ATAD5: variants seen among roughly 807,000 people sequenced by gnomAD.
ATAD5 encodes the protein ATPase family AAA domain containing 5.
ATAD5 carries 58 observed loss-of-function variants against 176.9 expected under a neutral mutation model. The observed-to-expected ratio is 0.33, with a 90% confidence interval of 0.27 to 0.41. The LOEUF (loss-of-function observed/expected upper bound fraction) is 0.41, where lower values mean the gene tolerates loss of function less well. ATAD5 is among the 10% of genes least tolerant of loss of function. ATAD5 has a pLI of 1.00. For missense variants in ATAD5, 1,789 were observed against 2,094.1 expected (o/e 0.85, Z 2.84); for synonymous variants, 640 against 712.6 (o/e 0.90, Z 1.62).
In ATAD5 at chr17:30,834,899, G is replaced by A. The variant is rs1905615569; in HGVS notation, c.818G>A (p.Ser273Asn). The A allele has an allele frequency of 1.9e-5, 31 of 1,613,668 alleles. No individual in the cohort carries two copies. The highest frequency in any genetic ancestry group is 2.6e-5 in the Non-Finnish European group (31 of 1,179,900). Reference protein sequence around the residue: ...ITVSYEEFLKSHKENKVEEIP... With the variant: ...ITVSYEEFLKNHKENKVEEIP... ...GTCTCATATGAGGAATTTTTAAAAA[G>A]TCACAAGGAAAATAAAGTGGAAGAG... Residue 273 changes from serine to asparagine, a missense_variant, in exon 2 of 23, where the codon AGT (serine) becomes AAT (asparagine). Physicochemically the swap from Ser to Asn is conservative, Grantham distance 46. Coordinates refer to ENST00000321990, the MANE Select transcript of ATAD5 (RefSeq NM_024857.5).
intron 10 of ATAD5, chr17:30,863,150 A>G (rs1400775488): frequency 1.3e-5 from 2 of 152,478 alleles, no homozygotes; most frequent in Admixed American, 6.5e-5. Flanking sequence ...TGATTGCACC[A>G]CTACTCCAGG....
rs971659412 is a variant in ATAD5, at chr17:30,831,995, A to C, written c.-353A>C. 2 of 343,910 alleles carry C rather than the reference A, an allele frequency of 5.8e-6. No homozygotes were observed. Among genetic ancestry groups the C allele is most frequent in the Admixed American group, 4.8e-5 (1 of 20,914 alleles). The allele number at this position is 343,910 out of a possible 1,614,324, so 21.3% of individuals were successfully genotyped here. The stretch of plus-strand genomic sequence containing the variant: ...GCAGGACGGCGCGAAAACCCAATTG[A>C]CAAGAATTCCCTCCGAAGCTCTGTG... On this transcript the variant is annotated 5_prime_UTR_variant, in exon 1 of 23. Coordinates refer to ENST00000321990, the MANE Select transcript of ATAD5 (RefSeq NM_024857.5).
In ATAD5 at chr17:30,860,528, A is replaced by G. The variant is rs550030980; in HGVS notation, c.3052A>G (p.Lys1018Glu). The change falls in exon 10 of 23, where the codon AAA becomes GAA. Residue 1018 changes from lysine (K) to glutamate (E), a missense_variant. This residue lies in a region of ATAD5 where 487 missense variants were observed against 573.6 expected (regional missense o/e 0.85). Coordinates refer to ENST00000321990, the MANE Select transcript of ATAD5 (RefSeq NM_024857.5). The part of the protein sequence containing the change: ...SKRKKPNEYS[K>E]NLEKTNRKSE... The stretch of plus-strand genomic sequence containing the variant: ...AAGAAAGAAACCAAATGAGTATTCA[A>G]AAAATCTGGAGAAGACCAATAGGAA... 38 of 1,600,558 alleles carry G rather than the reference A, an allele frequency of 2.4e-5. No individual in the cohort carries two copies. Among genetic ancestry groups the G allele is most frequent in the East Asian group, 4.5e-5 (2 of 44,804 alleles).
chr17:30,870,411 T>A lies in ATAD5; in HGVS notation c.3607+765T>A, dbSNP rs955973475. On this transcript the variant is annotated intron_variant, in intron 14 of 22. Transcript: ENST00000321990. ...GTTAGTATAGTCCTCTTCCCTATATTTCTTGTAAACTGGCAGTTAGATCTA... is the reference window on the plus strand; with the variant it reads ...GTTAGTATAGTCCTCTTCCCTATATATCTTGTAAACTGGCAGTTAGATCTA... Among the ~76,000 whole-genome samples the A allele has an allele frequency of 1.2e-4, 19 of 152,200 alleles. No individual in the cohort carries two copies. In the East Asian group the frequency reaches 3.7e-3, roughly 29 times the overall value.
At chr17:30,850,833 T>TTATATATATA (rs1312470807) in intron 6 of ATAD5, among the ~76,000 whole-genome samples, 521 of 27,590 alleles carry the variant, frequency 0.019, 6 homozygotes, top group Middle Eastern at 0.045. Flanking sequence ...TTATATATTT[T>TTATATATATA]TATATATATA....
Position 30,868,254 on chromosome 17 carries a change from C to T in ATAD5, c.3234-79C>T, listed in dbSNP as rs1179033598. ...GAAACTAACAATATGCCATAACTTC[C>T]CCCGATAATCATTTTAACATAAAGT... On this transcript the variant is annotated intron_variant, in intron 11 of 22. Coordinates refer to ENST00000321990, the MANE Select transcript of ATAD5 (RefSeq NM_024857.5). 8 of 1,198,984 alleles carry T rather than the reference C, an allele frequency of 6.7e-6. No individual in the cohort carries two copies. The East Asian group carries it at 1.7e-4, about 26-fold the overall frequency. The allele number at this position is 1,198,984 out of a possible 1,614,324, so 74.3% of individuals were successfully genotyped here.
rs1172901086 is a variant in ATAD5, at chr17:30,860,447, G to C, written c.2971G>C (p.Val991Leu). Residue 991 changes from valine to leucine, a missense_variant, in exon 10 of 23, where the codon GTC (valine) becomes CTC (leucine). Val to Leu is a conservative substitution (Grantham distance 32, BLOSUM62 1). Coordinates refer to ENST00000321990, the MANE Select transcript of ATAD5 (RefSeq NM_024857.5). ...CHSKQELEADVSHKETKRKLV... is the reference protein window; with the variant it reads ...CHSKQELEADLSHKETKRKLV... ...TCCCAAAGCAGAACTGGAGGCTGAT[G>C]TCAGCCATAAAGAAACCAAAAGGAA... The C allele has an allele frequency of 6.3e-7, 1 of 1,591,052 alleles. No homozygotes were observed. The highest frequency in any genetic ancestry group is 8.5e-7 in the Non-Finnish European group (1 of 1,174,808).
chr17:30,885,095 GTTCTT>G (rs1289701973), intron 18 of ATAD5, among the ~76,000 whole-genome samples: 1 of 152,110 alleles, frequency 6.6e-6, no homozygotes, highest in African/African-American at 2.4e-5. Flanking sequence ...GATTCTAGAT[GTTCTT>G]TTCCTTTGTC....
chr17:30,847,840 C>T lies in ATAD5; in HGVS notation c.2450+2924C>T, dbSNP rs187674672. Among the ~76,000 whole-genome samples the T allele has an allele frequency of 3.2e-4, 48 of 151,514 alleles. 1 individual carries two copies. The highest frequency in any genetic ancestry group is 1.1e-3 in the African/African-American group (45 of 41,270). ...GTTTATGCCATTCTCCTGCCTCAGC[C>T]TCCCGAGTAGCTGGGACTGCAGGCG... On this transcript the variant is annotated intron_variant, in intron 6 of 22. Transcript: ENST00000321990.
At chr17:30,857,138 G>A (rs756183178) in intron 8 of ATAD5, 26 bp downstream of exon 8, 4 of 1,589,006 alleles carry the variant, frequency 2.5e-6, no homozygotes, top group African/African-American at 1.4e-5. Context: ...TTCATCCATT[G>A]TAGAGTGTTT....
chr17:30,853,782 T>C (rs1907116553), intron 6 of ATAD5, among the ~76,000 whole-genome samples: 1 of 152,146 alleles, frequency 6.6e-6, no homozygotes, highest in Admixed American at 6.6e-5. Context: ...TCAGCCTCCC[T>C]ATGATTTGCA....
chr17:30,834,504 C>T lies in ATAD5; in HGVS notation c.423C>T (p.Ser141=). 1.3e-6 allele frequency: 2 copies of T among 1,585,714 alleles called. No individual in the cohort carries two copies. Among genetic ancestry groups the T allele is most frequent in the Non-Finnish European group, 1.7e-6 (2 of 1,171,330 alleles). ...CAATTGAAATTAGTAGCGACGATAG[C>T]AAAGAAGACTATAGTTTAAATAATG... The part of the protein sequence containing the change: ...EAPIEISSDD[S]KEDYSLNNDF... Residue 141 remains serine (S), a synonymous_variant, in exon 2 of 23, where the codon AGC becomes AGT. Coordinates refer to ENST00000321990, the MANE Select transcript of ATAD5 (RefSeq NM_024857.5).
chr17:30,835,558 G>C lies in ATAD5; in HGVS notation c.1477G>C (p.Gly493Arg). The C allele has an allele frequency of 6.2e-7, 1 of 1,611,328 alleles. No individual in the cohort carries two copies. Among genetic ancestry groups the C allele is most frequent in the Non-Finnish European group, 8.5e-7 (1 of 1,178,964 alleles). Residue 493 changes from glycine to arginine, a missense_variant, in exon 2 of 23, where the codon GGC (glycine) becomes CGC (arginine). Gly to Arg is a moderately radical substitution (Grantham distance 125). Around this residue, in one of 6 missense-constraint regions of ATAD5, gnomAD observed 696 missense variants for 712.5 expected, o/e 0.98. Transcript: ENST00000321990. ...KKTLDTGAIP[G>R]KNREGNTQKK... Reference sequence around the variant, plus strand: ...AACATTAGATACTGGGGCTATTCCAGGCAAAAACAGAGAGGGAAACACTCA... The same window carrying C: ...AACATTAGATACTGGGGCTATTCCACGCAAAAACAGAGAGGGAAACACTCA...
chr17:30,844,939 A>T, intron 6 of ATAD5, 23 bp downstream of exon 6: 1 of 1,528,848 alleles, frequency 6.5e-7, no homozygotes, highest in Non-Finnish European at 8.9e-7. Flanking sequence ...CAAATTTTTA[A>T]ATGCCAAAAT....
chr17:30,884,915 T>A (rs1453649058), intron 18 of ATAD5, among the ~76,000 whole-genome samples: 1 of 151,640 alleles, frequency 6.6e-6, no homozygotes, highest in African/African-American at 2.4e-5. Context: ...GCCTGGCTAA[T>A]TTTTTGTATT....
chr17:30,862,885 C>A (rs6505215), intron 10 of ATAD5: 35,794 of 151,920 alleles, frequency 0.24, 6,430 homozygotes, highest in African/African-American at 0.5. Context: ...ACATGGTGCC[C>A]TAAGTGGAAA....
Position 30,894,097 on chromosome 17 carries a change from T to C in ATAD5, c.5244T>C (p.Tyr1748=), listed in dbSNP as rs751121153. The change falls in exon 21 of 23, where the codon TAT becomes TAC. Residue 1748 remains tyrosine (Y), a synonymous_variant. Transcript: ENST00000321990. ...ATCCAACCAACGATCTTACTTTTTA[T>C]GTTTCACAAAAGCGCAATAATGTAT... is the stretch of plus-strand genomic sequence containing the variant. ...GRDPTNDLTF[Y]VSQKRNNVYF... 1.9e-5 allele frequency: 30 copies of C among 1,602,084 alleles called. No homozygotes were observed. The highest frequency in any genetic ancestry group is 5.1e-5 in the Admixed American group (3 of 58,882).
In ATAD5 at chr17:30,832,334, G is replaced by T. The variant is rs745651996; in HGVS notation, c.-14G>T. 1.9e-6 allele frequency: 3 copies of T among 1,542,268 alleles called. No homozygotes were observed. ...GTGAGGTCCTAGGAGACGGGATTCCGGGAAGCGGGGAGTATGGTGGGGGTC... is the reference window on the plus strand; with the variant it reads ...GTGAGGTCCTAGGAGACGGGATTCCTGGAAGCGGGGAGTATGGTGGGGGTC... On this transcript the variant is annotated 5_prime_UTR_variant, in exon 1 of 23. Coordinates refer to ENST00000321990, the MANE Select transcript of ATAD5 (RefSeq NM_024857.5).
At chr17:30,849,065 T>G (rs1906709505) in intron 6 of ATAD5, among the ~76,000 whole-genome samples, 1 of 152,094 alleles carries the variant, frequency 6.6e-6, no homozygotes, top group South Asian at 2.1e-4. Context: ...GAGGCAGGGT[T>G]TCACCATGTT....
Sources: gnomAD v4.1 joint callset for allele counts (sites outside exome capture counted in the v4.1 genomes callset) on GRCh38, gnomAD v4.1.1 for gene constraint, gnomAD v4.1.1 regional missense constraint, MANE v1.5 for transcripts, NCBI Gene and HGNC (gene_info 2026-07-23, HGNC 2026-07-21) for gene names.